Variants in PRMT8 observed in about 807,000 individuals in gnomAD.
PRMT8 encodes protein arginine N-methyltransferase 8.
Under a neutral mutation model 47.1 loss-of-function variants are expected in PRMT8, and 7 were observed. The observed-to-expected ratio is 0.15, with a 90% CI of 0.08 to 0.28. PRMT8 has a LOEUF of 0.28. PRMT8 is among the 10% of genes least tolerant of loss of function. PRMT8 has a pLI of 1.00. For synonymous variants in PRMT8, 188 were observed against 186.5 expected (o/e 1.01, Z -0.07); for missense variants, 237 against 505.4 (o/e 0.47, Z 5.09).
At chr12:3,536,029 A>G (rs1866111812) in intron 1 of PRMT8, among the ~76,000 whole-genome samples, 2 of 152,160 alleles carry the variant, frequency 1.3e-5, no homozygotes. Flanking sequence ...CTGAACAATC[A>G]TGTATATCTC....
At position 3,535,253 on chromosome 12, in the gene PRMT8, G is replaced by T. The variant is rs370089646; in HGVS notation, c.76-5353G>T. Reference sequence around the variant, plus strand: ...CCATAACCTTTCATCTCTGCATTTAGTGGGCCCGAGGCCTGTTCACCCCAG... The same window carrying T: ...CCATAACCTTTCATCTCTGCATTTATTGGGCCCGAGGCCTGTTCACCCCAG... On this transcript the variant is annotated intron_variant, in intron 1 of 9. Coordinates refer to ENST00000382622, the MANE Select transcript of PRMT8 (RefSeq NM_019854.5). The surrounding 1 kb of genome is among the most constrained non-coding windows in gnomAD (Gnocchi z 4.7). Among the ~76,000 whole-genome samples the T allele has an allele frequency of 6.6e-6, 1 of 152,322 alleles. No homozygotes were observed. Among genetic ancestry groups the T allele is most frequent in the East Asian group, 1.9e-4 (1 of 5,184 alleles).
At chr12:3,398,453 C>T (rs997344375) in intron 1 of PRMT8, among the ~76,000 whole-genome samples, 2 of 152,194 alleles carry the variant, frequency 1.3e-5, no homozygotes, top group African/African-American at 2.4e-5. Flanking sequence ...TGTAGAAATA[C>T]TGTCATGTTC....
At chr12:3,475,144 G>T (rs1865198114) in intron 1 of PRMT8, among the ~76,000 whole-genome samples, 1 of 152,170 alleles carries the variant, frequency 6.6e-6, no homozygotes, top group African/African-American at 2.4e-5. Flanking sequence ...ACAGGAGGCG[G>T]CTGGGCCCTC....
chr12:3,563,024 G>A lies in PRMT8; in HGVS notation c.482-5682G>A, dbSNP rs1416473684. Among the ~76,000 whole-genome samples the A allele has an allele frequency of 2.6e-5, 4 of 152,130 alleles. No individual in the cohort carries two copies. In the East Asian group the frequency reaches 5.8e-4, roughly 22 times the overall value. On this transcript the variant is annotated intron_variant, in intron 4 of 9. Transcript: ENST00000382622. ...TTCTTGATAACCCCTGCTCCCCTTTGGCCAAGCCCACATGATCATCTGCTT... is the reference window on the plus strand; with the variant it reads ...TTCTTGATAACCCCTGCTCCCCTTTAGCCAAGCCCACATGATCATCTGCTT...
chr12:3,390,348 G>A (rs889669626), intron 1 of PRMT8, among the ~76,000 whole-genome samples: 1 of 152,202 alleles, frequency 6.6e-6, no homozygotes. Flanking sequence ...TCCTCCTGCT[G>A]ACCGATGGCA....
chr12:3,530,811 G>C (rs916873923), intron 1 of PRMT8, among the ~76,000 whole-genome samples: 13 of 152,172 alleles, frequency 8.5e-5, no homozygotes, highest in Non-Finnish European at 1.5e-4. Flanking sequence ...CGGGAAGCCT[G>C]GTACTCCTGT....
chr12:3,491,300 C>A lies in PRMT8; in HGVS notation c.-326C>A, dbSNP rs1865392226. 1 of 1,130,396 alleles carries A rather than the reference C, an allele frequency of 8.8e-7. No individual in the cohort carries two copies. The highest frequency in any genetic ancestry group is 1.6e-5 in the African/African-American group (1 of 61,640). The allele number at this position is 1,130,396 out of a possible 1,614,324, so 70.0% of individuals were successfully genotyped here. A position where few individuals can be genotyped will look rare whatever the true frequency, so the allele number is the denominator to read the frequency against. On this transcript the variant is annotated 5_prime_UTR_variant, in exon 1 of 10. Transcript: ENST00000382622. ...GCCTGGAGAGGATCCGCGACCGCCG[C>A]CGCCGCCGCCGCGGAGGCTTCGGGG...
Position 3,557,986 on chromosome 12 carries a change from G to A in PRMT8, c.481+4272G>A, listed in dbSNP as rs775031444. Among the ~76,000 whole-genome samples the A allele has an allele frequency of 6.6e-6, 1 of 151,952 alleles. No individual in the cohort carries two copies. Among genetic ancestry groups the A allele is most frequent in the Admixed American group, 6.6e-5 (1 of 15,264 alleles). ...CCTCTGACCCAGCCCCTGACTCTTC[G>A]TCTCCCTCTCAGTGCCAGCCCACCC... is the stretch of plus-strand genomic sequence containing the variant. On this transcript the variant is annotated intron_variant, in intron 4 of 9. Coordinates refer to ENST00000382622, the MANE Select transcript of PRMT8 (RefSeq NM_019854.5). The surrounding 1 kb of genome is among the most constrained non-coding windows in gnomAD (Gnocchi z 4.7).
At chr12:3,472,852 G>A (rs7315336) in intron 1 of PRMT8, among the ~76,000 whole-genome samples, 118,598 of 152,010 alleles carry the variant, frequency 0.78, 46,529 homozygotes, top group Middle Eastern at 0.87. Context: ...CCAGGCTAAA[G>A]TGTCTGGCAG....
At position 3,552,544 on chromosome 12, in the gene PRMT8, GAGA is replaced by G. The variant is rs886923748; in HGVS notation, c.418-1100_418-1098del. On this transcript the variant is annotated intron_variant, in intron 3 of 9. Coordinates refer to ENST00000382622, the MANE Select transcript of PRMT8 (RefSeq NM_019854.5). The surrounding 1 kb of genome is among the most constrained non-coding windows in gnomAD (Gnocchi z 4.5). ...TCAGATGATGACATGGCCAGAGGGG[GAGA>G]AGAAGAGGAGGGAATCACACCCCAC... 2 of 327,826 alleles carry G rather than the reference GAGA, an allele frequency of 6.1e-6. No homozygotes were observed. Among genetic ancestry groups the G allele is most frequent in the Non-Finnish European group, 1.2e-5 (2 of 162,698 alleles). 20.3% of individuals were successfully genotyped at this position (327,826 alleles called of 1,614,324 possible).
At chr12:3,444,801 G>T (rs1399603091) in intron 1 of PRMT8, among the ~76,000 whole-genome samples, 3 of 152,240 alleles carry the variant, frequency 2.0e-5, no homozygotes, top group African/African-American at 7.2e-5. Context: ...GACGAATATG[G>T]AGGGCCAAGC....
chr12:3,495,185 T>C (rs762433630), intron 1 of PRMT8, among the ~76,000 whole-genome samples: 1 of 152,180 alleles, frequency 6.6e-6, no homozygotes, highest in Non-Finnish European at 1.5e-5. Context: ...TCTGAACTGT[T>C]TGTCCTCTTC....
intron 7 of PRMT8, among the ~76,000 whole-genome samples, chr12:3,582,414 A>C (rs1867084396): frequency 6.6e-6 from 1 of 152,196 alleles, no homozygotes; most frequent in Non-Finnish European, 1.5e-5. Context: ...CAGCCTTGTT[A>C]AAAATGGCCA....
chr12:3,483,406 T>C (rs962501867), intron 1 of PRMT8, among the ~76,000 whole-genome samples: 3 of 152,110 alleles, frequency 2.0e-5, no homozygotes, highest in African/African-American at 7.2e-5. Context: ...TGGAAACCAC[T>C]CTTCTCTTGC....
chr12:3,581,571 C>G (rs565790103), intron 7 of PRMT8, among the ~76,000 whole-genome samples: 1 of 152,296 alleles, frequency 6.6e-6, no homozygotes, highest in East Asian at 1.9e-4. Flanking sequence ...GCTTTATAAT[C>G]CCATCAAATT....
At chr12:3,571,460 A>T (rs1468000817) in intron 6 of PRMT8, among the ~76,000 whole-genome samples, 1 of 152,168 alleles carries the variant, frequency 6.6e-6, no homozygotes, top group East Asian at 1.9e-4. Context: ...AAACTTTCTC[A>T]TGGTTTCCAC....
rs1466500532 is a variant in PRMT8, at chr12:3,552,729, G to A, written c.418-922G>A. The A allele has an allele frequency of 2.1e-6, 1 of 476,868 alleles. No homozygotes were observed. Among genetic ancestry groups the A allele is most frequent in the South Asian group, 1.5e-5 (1 of 65,696 alleles). 29.5% of individuals were successfully genotyped at this position (476,868 alleles called of 1,614,324 possible). On this transcript the variant is annotated intron_variant, in intron 3 of 9. Transcript: ENST00000382622. The surrounding 1 kb of genome is among the most constrained non-coding windows in gnomAD (Gnocchi z 4.5). The stretch of plus-strand genomic sequence containing the variant: ...TGCCCTCACCCTTCCTCAAGGCGTG[G>A]CCAGAGGCGTCAGAAACTCCCTCAG...
chr12:3,557,669 C>T lies in PRMT8; in HGVS notation c.481+3955C>T, dbSNP rs1175990717. On this transcript the variant is annotated intron_variant, in intron 4 of 9. Coordinates refer to ENST00000382622, the MANE Select transcript of PRMT8 (RefSeq NM_019854.5). The surrounding 1 kb of genome is among the most constrained non-coding windows in gnomAD (Gnocchi z 4.7). ...TGACACAGCCTGGCCTCCTTCTCCC[C>T]AACCTGTGAAATAGGGCAGATGGTT... Among the ~76,000 whole-genome samples, 2 of 152,166 alleles carry T rather than the reference C, an allele frequency of 1.3e-5. No individual in the cohort carries two copies. The highest frequency in any genetic ancestry group is 2.9e-5 in the Non-Finnish European group (2 of 68,022).
intron 1 of PRMT8, among the ~76,000 whole-genome samples, chr12:3,412,259 A>T (rs936913872): frequency 6.6e-6 from 1 of 152,208 alleles, no homozygotes; most frequent in Non-Finnish European, 1.5e-5. Context: ...ATATGGTATA[A>T]AAAGTTAAAA....
Sources: gnomAD v4.1 joint callset for allele counts (sites outside exome capture counted in the v4.1 genomes callset) on GRCh38, gnomAD v4.1.1 for gene constraint, Gnocchi (gnomAD v3.1) non-coding constraint, MANE v1.5 for transcripts, NCBI Gene and HGNC (gene_info 2026-07-23, HGNC 2026-07-21) for gene names.